Variants in MYO1B observed in about 807,000 individuals in gnomAD.
MYO1B encodes the protein unconventional myosin-Ib.
MYO1B carries 72 observed loss-of-function variants against 159.7 expected under a neutral mutation model. The observed-to-expected ratio is 0.45, with a 90% CI of 0.37 to 0.55. The LOEUF is 0.55. Ranked by LOEUF, MYO1B falls within the 20% of genes least tolerant of loss-of-function variation. The pLI is 0.00. For missense variants in MYO1B, 1,062 were observed against 1,364.8 expected (o/e 0.78, Z 3.50); for synonymous variants, 468 against 473.8 (o/e 0.99, Z 0.16).
At chr2:191,252,739 T>A (rs1218032608) in intron 1 of MYO1B, among the ~76,000 whole-genome samples, 2 of 152,172 alleles carry the variant, frequency 1.3e-5, no homozygotes, top group Non-Finnish European at 2.9e-5. Context: ...TAGGGAGATA[T>A]CCGTCTCTCC....
At chr2:191,423,808 CTTTAA>C in intron 30 of MYO1B, 24 bp from the exon 31 acceptor site, 1 of 1,597,684 alleles carries the variant, frequency 6.3e-7, no homozygotes, top group Non-Finnish European at 8.5e-7. Flanking sequence ...TTTGTGTATA[CTTTAA>C]TTTGTTTTAT....
intron 13 of MYO1B, among the ~76,000 whole-genome samples, chr2:191,379,010 A>C (rs1574553880): frequency 1.3e-5 from 2 of 152,294 alleles, no homozygotes; most frequent in Admixed American, 6.5e-5. Flanking sequence ...TATTTCAGTC[A>C]AACTGTTTTT....
intron 19 of MYO1B, among the ~76,000 whole-genome samples, chr2:191,392,583 G>T (rs1339008511): frequency 6.6e-6 from 1 of 152,038 alleles, no homozygotes; most frequent in Non-Finnish European, 1.5e-5. Flanking sequence ...GCACTAAAAT[G>T]AAAATTTTTT....
At chr2:191,288,559 A>T (rs1396314385) in intron 2 of MYO1B, among the ~76,000 whole-genome samples, 1 of 152,324 alleles carries the variant, frequency 6.6e-6, no homozygotes, top group Non-Finnish European at 1.5e-5. Flanking sequence ...ATGTTTCTCT[A>T]TCTAAAAGAC....
chr2:191,255,584 C>G (rs927180076), intron 1 of MYO1B, among the ~76,000 whole-genome samples: 1 of 152,196 alleles, frequency 6.6e-6, no homozygotes, highest in Non-Finnish European at 1.5e-5. Flanking sequence ...ATTTTAGTGA[C>G]TGATGACTTA....
intron 1 of MYO1B, among the ~76,000 whole-genome samples, chr2:191,257,046 C>T (rs916587062): frequency 3.3e-5 from 5 of 152,096 alleles, no homozygotes; most frequent in African/African-American, 9.7e-5. Context: ...CTCTTCCTCC[C>T]CCTTCCCCTT....
At chr2:191,288,178 A>G (rs893187584) in intron 2 of MYO1B, among the ~76,000 whole-genome samples, 5 of 151,624 alleles carry the variant, frequency 3.3e-5, no homozygotes, top group African/African-American at 1.2e-4. Context: ...GGGTGTGCAG[A>G]TATCTGTTTG....
chr2:191,303,921 A>G (rs1376052540), intron 3 of MYO1B, among the ~76,000 whole-genome samples: 2 of 152,200 alleles, frequency 1.3e-5, no homozygotes, highest in African/African-American at 4.8e-5. Context: ...TAATGACACC[A>G]TCTTGAAAAT....
chr2:191,407,096 C>G (rs778896813), intron 24 of MYO1B, among the ~76,000 whole-genome samples: 11 of 152,110 alleles, frequency 7.2e-5, no homozygotes, highest in Admixed American at 1.3e-4. Flanking sequence ...TAGGACTAGG[C>G]CTCAGTGTTG....
At chr2:191,377,148 G>A (rs1162753354) in intron 13 of MYO1B, among the ~76,000 whole-genome samples, 1 of 152,130 alleles carries the variant, frequency 6.6e-6, no homozygotes, top group Non-Finnish European at 1.5e-5. Context: ...CATAGTAAGT[G>A]CTCCCTATCC....
intron 3 of MYO1B, among the ~76,000 whole-genome samples, chr2:191,302,501 T>TA (rs1021688445): frequency 6.6e-5 from 10 of 152,194 alleles, no homozygotes; most frequent in Non-Finnish European, 1.2e-4. Context: ...TTTCATTTTT[T>TA]AAAAAAAGCA....
chr2:191,295,163 CT>C (rs1688911574), intron 2 of MYO1B, among the ~76,000 whole-genome samples: 1 of 152,016 alleles, frequency 6.6e-6, no homozygotes, highest in African/African-American at 2.4e-5. Flanking sequence ...TTGTTGGCAC[CT>C]TTTTTCCCCC....
At chr2:191,294,154 G>A (rs2125805215) in intron 2 of MYO1B, among the ~76,000 whole-genome samples, 1 of 152,248 alleles carries the variant, frequency 6.6e-6, no homozygotes, top group South Asian at 2.1e-4. Flanking sequence ...GGAACAAAGA[G>A]AAACTTACAA....
intron 3 of MYO1B, among the ~76,000 whole-genome samples, chr2:191,323,306 C>CT (rs1690849299): frequency 6.6e-6 from 1 of 152,084 alleles, no homozygotes; most frequent in Non-Finnish European, 1.5e-5. Context: ...CATCCAGTGA[C>CT]TAAGAATGCC....
At chr2:191,291,417 G>T (rs765307879) in intron 2 of MYO1B, among the ~76,000 whole-genome samples, 10 of 152,100 alleles carry the variant, frequency 6.6e-5, no homozygotes, top group Non-Finnish European at 1.3e-4. Context: ...ATTATAGAAA[G>T]GTAGAGCTTG....
intron 3 of MYO1B, among the ~76,000 whole-genome samples, chr2:191,306,254 G>A (rs10931497): frequency 0.53 from 80,465 of 151,884 alleles, 22,076 homozygotes; most frequent in East Asian, 0.65. Context: ...AGGGAGAGAC[G>A]TGATGTGTTG....
At chr2:191,290,243 C>T (rs181586415) in intron 2 of MYO1B, among the ~76,000 whole-genome samples, 1 of 152,232 alleles carries the variant, frequency 6.6e-6, no homozygotes, top group East Asian at 1.9e-4. Flanking sequence ...TTTGTCCCTC[C>T]CTACTCTTCC....
intron 23 of MYO1B, chr2:191,401,889 A>G (rs550773619): frequency 3.3e-5 from 5 of 152,272 alleles, no homozygotes; most frequent in African/African-American, 4.8e-5. Context: ...TCTCAGTACT[A>G]TAATATCTTG....
intron 3 of MYO1B, among the ~76,000 whole-genome samples, chr2:191,311,366 T>G (rs1325520290): frequency 6.6e-6 from 1 of 152,186 alleles, no homozygotes; most frequent in African/African-American, 2.4e-5. Flanking sequence ...GGCATAATCA[T>G]AGGTTACCTG....
Sources: allele counts gnomAD v4.1 joint callset (sites outside exome capture counted in the v4.1 genomes callset), GRCh38; gene constraint gnomAD v4.1.1; transcripts MANE v1.5; gene names NCBI Gene and HGNC (gene_info 2026-07-23, HGNC 2026-07-21).